The following THSD4 variants were observed in gnomAD, a reference collection of about 807,000 sequenced individuals.
THSD4 encodes thrombospondin type-1 domain-containing protein 4.
Under a neutral mutation model 119.0 loss-of-function variants are expected in THSD4, and 69 were observed. The ratio of observed to expected loss-of-function variants is 0.58; its 90% CI spans 0.48 to 0.71. The LOEUF is 0.71. THSD4 is among the 30% of genes least tolerant of loss of function. The pLI, the probability that THSD4 is intolerant of heterozygous loss-of-function variation, is 0.00. For synonymous variants in THSD4, 524 were observed against 540.4 expected (o/e 0.97, Z 0.42); for missense variants, 1,393 against 1,391.1 (o/e 1.00, Z -0.02).
intron 8 of THSD4, among the ~76,000 whole-genome samples, chr15:71,719,801 A>G (rs8039357): frequency 0.93 from 141,804 of 151,988 alleles, 66,975 homozygotes; most frequent in East Asian, 1. Context: ...TCAGCCTCCC[A>G]AGTAGCTGGG....
At chr15:71,272,396 CAAAAAAAAAAAAA>C (rs61293620) in intron 6 of THSD4, among the ~76,000 whole-genome samples, 1 of 55,584 alleles carries the variant, frequency 1.8e-5, no homozygotes, top group East Asian at 6.8e-4. Context: ...GACTCTGTCT[CAAAAAAAAAAAAA>C]AAAAAAAAAA....
chr15:71,386,443 G>A (rs181712874), intron 6 of THSD4, among the ~76,000 whole-genome samples: 69 of 152,270 alleles, frequency 4.5e-4, no homozygotes, highest in Non-Finnish European at 4.4e-4. Context: ...AGGGGGTTAG[G>A]GGAGGTGCTG....
chr15:71,367,774 T>A (rs1056523810), intron 6 of THSD4, among the ~76,000 whole-genome samples: 1 of 152,228 alleles, frequency 6.6e-6, no homozygotes, highest in Non-Finnish European at 1.5e-5. Context: ...AGCAGCATGA[T>A]TGATAATGCT....
At chr15:71,260,476 A>G (rs574695908) in intron 6 of THSD4, among the ~76,000 whole-genome samples, 1 of 152,286 alleles carries the variant, frequency 6.6e-6, no homozygotes, top group East Asian at 1.9e-4. Context: ...TTCACATTAC[A>G]GAGCATTATT....
At chr15:71,760,848 G>A (rs934107365) in intron 15 of THSD4, among the ~76,000 whole-genome samples, 10 of 152,036 alleles carry the variant, frequency 6.6e-5, no homozygotes, top group Admixed American at 1.3e-4. Flanking sequence ...TTTCTCATGT[G>A]TGCTTTTCTC....
At chr15:71,372,649 C>T (rs2046071214) in intron 6 of THSD4, among the ~76,000 whole-genome samples, 1 of 152,236 alleles carries the variant, frequency 6.6e-6, no homozygotes, top group Admixed American at 6.5e-5. Context: ...AGCTTCGTCT[C>T]AGAGGGGTAC....
chr15:71,647,610 C>T (rs530032485), intron 7 of THSD4, among the ~76,000 whole-genome samples: 3 of 152,290 alleles, frequency 2.0e-5, no homozygotes, highest in Admixed American at 6.5e-5. Context: ...GTAATGACGT[C>T]GCCCAAGGAA....
At chr15:71,426,297 G>T (rs1047964375) in intron 7 of THSD4, among the ~76,000 whole-genome samples, 12 of 152,110 alleles carry the variant, frequency 7.9e-5, no homozygotes, top group Middle Eastern at 3.4e-3. Flanking sequence ...TGAGGGATAA[G>T]CTGTAAACCA....
At chr15:71,145,684 C>T (rs772492704) in intron 2 of THSD4, among the ~76,000 whole-genome samples, 2 of 152,136 alleles carry the variant, frequency 1.3e-5, no homozygotes, top group Non-Finnish European at 1.5e-5. Context: ...GAGAATGCCC[C>T]AAGTAGTGAT....
At chr15:71,363,918 C>CATT (rs1197356749) in intron 6 of THSD4, among the ~76,000 whole-genome samples, 16 of 152,212 alleles carry the variant, frequency 1.1e-4, no homozygotes, top group African/African-American at 3.6e-4. Flanking sequence ...AACAATGCCT[C>CATT]ATTATTCCCC....
intron 7 of THSD4, among the ~76,000 whole-genome samples, chr15:71,495,987 C>T (rs949148489): frequency 6.6e-6 from 1 of 152,214 alleles, no homozygotes; most frequent in Non-Finnish European, 1.5e-5. Context: ...TCATGCCAAT[C>T]TCTTGCCTAC....
intron 6 of THSD4, among the ~76,000 whole-genome samples, chr15:71,326,506 G>A (rs1044873980): frequency 3.4e-5 from 5 of 149,118 alleles, no homozygotes; most frequent in Admixed American, 1.3e-4. Flanking sequence ...GTGAAACCCC[G>A]TCTCTACTAA....
At chr15:71,618,380 G>A (rs781575874) in intron 7 of THSD4, among the ~76,000 whole-genome samples, 7 of 152,160 alleles carry the variant, frequency 4.6e-5, no homozygotes, top group Non-Finnish European at 7.3e-5. Flanking sequence ...TAAACTATAC[G>A]CATATGTGTC....
chr15:71,390,610 T>A (rs1333491957), intron 6 of THSD4, among the ~76,000 whole-genome samples: 1 of 152,156 alleles, frequency 6.6e-6, no homozygotes, highest in East Asian at 1.9e-4. Context: ...GTCCTTGATT[T>A]AAACTCGTGT....
chr15:71,635,720 A>G (rs545878819), intron 7 of THSD4, among the ~76,000 whole-genome samples: 1 of 152,332 alleles, frequency 6.6e-6, no homozygotes, highest in South Asian at 2.1e-4. Flanking sequence ...CATGATTGGG[A>G]GCAAGGGTGT....
intron 7 of THSD4, among the ~76,000 whole-genome samples, chr15:71,588,675 C>T (rs2049738524): frequency 6.6e-6 from 1 of 152,156 alleles, no homozygotes; most frequent in South Asian, 2.1e-4. Context: ...CTCAAACAAT[C>T]CACCCACCTT....
intron 7 of THSD4, among the ~76,000 whole-genome samples, chr15:71,575,779 C>A (rs1326608058): frequency 1.3e-5 from 2 of 151,998 alleles, no homozygotes; most frequent in African/African-American, 2.4e-5. Context: ...ACAACAACAA[C>A]AAAAAAGTCT....
At chr15:71,453,310 A>G (rs2047292382) in intron 7 of THSD4, among the ~76,000 whole-genome samples, 1 of 152,170 alleles carries the variant, frequency 6.6e-6, no homozygotes, top group Non-Finnish European at 1.5e-5. Flanking sequence ...TCAGAATTCA[A>G]AACTTAAACT....
At position 71,246,005 on chromosome 15, in the gene THSD4, A is replaced by G. The variant is rs545540344; in HGVS notation, c.912+2909A>G. 1.5e-4 allele frequency among the ~76,000 whole-genome samples: 23 copies of G among 152,290 alleles called. No homozygotes were observed. The South Asian group carries it at 4.4e-3, about 29-fold the overall frequency. ...ATGTAGACATTTATCTGTCCTCCCCAGTGTCCAGCATCAAGAGAGGACATG... is the reference window on the plus strand; with the variant it reads ...ATGTAGACATTTATCTGTCCTCCCCGGTGTCCAGCATCAAGAGAGGACATG... On this transcript the variant is annotated intron_variant, in intron 5 of 17. Coordinates refer to ENST00000261862, the MANE Select transcript of THSD4 (RefSeq NM_024817.3).
Sources: gnomAD v4.1 joint callset for allele counts (sites outside exome capture counted in the v4.1 genomes callset) on GRCh38, gnomAD v4.1.1 for gene constraint, MANE v1.5 for transcripts, NCBI Gene and HGNC (gene_info 2026-07-23, HGNC 2026-07-21) for gene names.